Variants in PRDM16 observed in about 807,000 individuals in gnomAD.
PRDM16 encodes histone-lysine N-methyltransferase PRDM16.
Under a neutral mutation model 110.6 loss-of-function variants are expected in PRDM16, and 23 were observed. The observed-to-expected ratio is 0.21, with a 90% CI of 0.15 to 0.29. PRDM16 has a LOEUF of 0.29. Among genes scored for constraint, PRDM16 ranks in the 10% least tolerant of loss-of-function variants. PRDM16 has a pLI of 1.00. For synonymous variants in PRDM16, 799 were observed against 781.8 expected, an observed-to-expected ratio of 1.02 and a Z score of -0.37; for missense variants, 1,615 against 1,794.3, an observed-to-expected ratio of 0.90 and a Z score of 1.81.
chr1:3,263,113 G>C (rs573513378), intron 3 of PRDM16, among the ~76,000 whole-genome samples: 1 of 152,256 alleles, frequency 6.6e-6, no homozygotes, highest in Non-Finnish European at 1.5e-5. Flanking sequence ...AGACCCTGCA[G>C]CCTGCCTGGC....
intron 1 of PRDM16, among the ~76,000 whole-genome samples, chr1:3,074,161 C>G (rs1266089312): frequency 6.6e-6 from 1 of 152,210 alleles, no homozygotes; most frequent in Non-Finnish European, 1.5e-5. Context: ...GCCGGGCTCC[C>G]TAGTGCACTT....
chr1:3,275,552 G>A (rs895540239), intron 3 of PRDM16, among the ~76,000 whole-genome samples: 2 of 152,134 alleles, frequency 1.3e-5, no homozygotes, highest in African/African-American at 4.8e-5. Context: ...GTTCAGGACG[G>A]GTCACCCTGT....
rs192299494 is a variant in PRDM16, at chr1:3,240,274, G to T, written c.388-3813G>T. Among the ~76,000 whole-genome samples, 219 of 151,910 alleles carry T rather than the reference G, an allele frequency of 1.4e-3. 3 individuals are homozygous for T. The highest frequency in any genetic ancestry group is 5.0e-3 in the African/African-American group (206 of 41,424). On this transcript the variant is annotated intron_variant, in intron 2 of 16. Transcript: ENST00000270722. ...CTACAAAAAATAAAACAAATTAGCC[G>T]GGATGGTGGTGTGCTTGTTGTCCCA...
At chr1:3,329,623 A>G (rs1466741843) in intron 3 of PRDM16, among the ~76,000 whole-genome samples, 1 of 152,262 alleles carries the variant, frequency 6.6e-6, no homozygotes, top group Non-Finnish European at 1.5e-5. Context: ...AGCTGGCCCC[A>G]CAGGTGCCAG....
chr1:3,234,207 C>T (rs1639487405), intron 2 of PRDM16, among the ~76,000 whole-genome samples: 1 of 152,306 alleles, frequency 6.6e-6, no homozygotes, highest in African/African-American at 2.4e-5. Context: ...GTTCTGGGGG[C>T]CTTCCTCTGC....
chr1:3,222,703 G>A (rs866920548), intron 2 of PRDM16, among the ~76,000 whole-genome samples: 16 of 152,236 alleles, frequency 1.1e-4, no homozygotes, highest in Non-Finnish European at 5.9e-5. Flanking sequence ...TGCTCTGCAG[G>A]GCCCCTGACT....
At chr1:3,114,317 ACACACGCAGTGTAAACAGACGCG>A in intron 1 of PRDM16, among the ~76,000 whole-genome samples, 1 of 149,464 alleles carries the variant, frequency 6.7e-6, no homozygotes, top group South Asian at 2.1e-4. Context: ...ACACACACGC[ACACACGCAGTGTAAACAGACGCG>A]CACGCATGCA....
intron 2 of PRDM16, among the ~76,000 whole-genome samples, chr1:3,223,506 C>T (rs984896006): frequency 5.5e-4 from 84 of 152,230 alleles, no homozygotes; most frequent in African/African-American, 1.7e-3. Flanking sequence ...TTCTCTTAAT[C>T]GTGGCAAGAG....
At chr1:3,173,363 G>C (rs1028586010) in intron 1 of PRDM16, among the ~76,000 whole-genome samples, 4 of 152,234 alleles carry the variant, frequency 2.6e-5, no homozygotes, top group African/African-American at 9.7e-5. Context: ...GATGGAGGCG[G>C]CGAGGAAATA....
rs541467197 is a variant in PRDM16, at chr1:3,268,375, G to A, written c.438+24238G>A. 5.9e-5 allele frequency among the ~76,000 whole-genome samples: 9 copies of A among 152,330 alleles called. No individual in the cohort carries two copies. The East Asian group carries it at 1.2e-3, about 20-fold the overall frequency. On this transcript the variant is annotated intron_variant, in intron 3 of 16. Coordinates refer to ENST00000270722, the MANE Select transcript of PRDM16 (RefSeq NM_022114.4). The stretch of plus-strand genomic sequence containing the variant: ...TGTGACCCCTTAATTAATGGACTAC[G>A]GGGAGAAATTACAGCAGTGGCAGGA...
intron 3 of PRDM16, among the ~76,000 whole-genome samples, chr1:3,251,145 G>A (rs1348688767): frequency 1.3e-5 from 2 of 152,260 alleles, no homozygotes; most frequent in Non-Finnish European, 2.9e-5. Flanking sequence ...TGGAGACCCA[G>A]AGGAGCCGGA....
At position 3,175,384 on chromosome 1, in the gene PRDM16, G is replaced by A. The variant is rs544953490; in HGVS notation, c.38-10741G>A. On this transcript the variant is annotated intron_variant, in intron 1 of 16. Coordinates refer to ENST00000270722, the MANE Select transcript of PRDM16 (RefSeq NM_022114.4). The surrounding 1 kb of genome is among the most constrained non-coding windows in gnomAD (Gnocchi z 4.8). ...TATTTTTTCTCTAGAAGTTGCCTCC[G>A]TGCGTGCCTGCTCTCCCCGATCAGC... Among the ~76,000 whole-genome samples, 1 of 152,150 alleles carries A rather than the reference G, an allele frequency of 6.6e-6. No homozygotes were observed. The highest frequency in any genetic ancestry group is 1.5e-5 in the Non-Finnish European group (1 of 68,032).
chr1:3,089,629 C>A (rs948513250), intron 1 of PRDM16, among the ~76,000 whole-genome samples: 1 of 152,256 alleles, frequency 6.6e-6, no homozygotes. Flanking sequence ...CGGTGAGGGG[C>A]TCCCCGTGTG....
chr1:3,361,798 C>T (rs537099223), intron 3 of PRDM16, among the ~76,000 whole-genome samples: 132 of 148,312 alleles, frequency 8.9e-4, no homozygotes, highest in Middle Eastern at 3.5e-3. Flanking sequence ...GAAGTGACTG[C>T]GGTCCAGGAG....
Position 3,358,542 on chromosome 1 carries a change from G to A in PRDM16, c.439-26610G>A, listed in dbSNP as rs1342870834. On this transcript the variant is annotated intron_variant, in intron 3 of 16. Coordinates refer to ENST00000270722, the MANE Select transcript of PRDM16 (RefSeq NM_022114.4). This position sits in a 1 kb window ranked among gnomAD's most constrained non-coding sequence, Gnocchi z 4.0. ...TCCAGTGTTCCCTTTCCCGTCACCA[G>A]GCAGAGCCCCGAATTCTCCACTGGG... is the stretch of plus-strand genomic sequence containing the variant. Among the ~76,000 whole-genome samples the A allele has an allele frequency of 6.6e-6, 1 of 152,198 alleles. No individual in the cohort carries two copies. Among genetic ancestry groups the A allele is most frequent in the Non-Finnish European group, 1.5e-5 (1 of 68,046 alleles).
chr1:3,364,335 C>G (rs1182902402), intron 3 of PRDM16, among the ~76,000 whole-genome samples: 1 of 152,180 alleles, frequency 6.6e-6, no homozygotes, highest in African/African-American at 2.4e-5. Context: ...CATGAAGTGG[C>G]CCCCAAGTCG....
chr1:3,272,455 C>T (rs1286036878), intron 3 of PRDM16, among the ~76,000 whole-genome samples: 2 of 152,140 alleles, frequency 1.3e-5, no homozygotes, highest in African/African-American at 4.8e-5. Flanking sequence ...CTGGGCACGG[C>T]GGCTAGAGTC....
At chr1:3,347,662 G>C (rs1048893382) in intron 3 of PRDM16, among the ~76,000 whole-genome samples, 1 of 152,208 alleles carries the variant, frequency 6.6e-6, no homozygotes, top group Non-Finnish European at 1.5e-5. Context: ...GAGTCATTTG[G>C]CTCTTCTCAG....
chr1:3,328,013 G>A (rs905785037), intron 3 of PRDM16, among the ~76,000 whole-genome samples: 1 of 152,216 alleles, frequency 6.6e-6, no homozygotes, highest in Non-Finnish European at 1.5e-5. Context: ...AGGAGCAGGA[G>A]TCTCTGGGGA....
Sources: allele counts gnomAD v4.1 joint callset (sites outside exome capture counted in the v4.1 genomes callset), GRCh38; gene constraint gnomAD v4.1.1; non-coding constraint Gnocchi (gnomAD v3.1); transcripts MANE v1.5; gene names NCBI Gene and HGNC (gene_info 2026-07-23, HGNC 2026-07-21).